LDLRAD4: variants seen among roughly 807,000 people sequenced by gnomAD.
LDLRAD4 encodes the protein low-density lipoprotein receptor class A domain-containing protein 4.
A neutral mutation model predicts 17.0 loss-of-function variants in LDLRAD4; 5 were observed. The observed-to-expected ratio is 0.29, with a 90% CI of 0.15 to 0.62. The LOEUF is 0.62. Ranked by LOEUF, LDLRAD4 falls within the 20% of genes least tolerant of loss-of-function variation. The pLI, the probability that LDLRAD4 is intolerant of heterozygous loss-of-function variation, is 0.84. For missense variants in LDLRAD4, 340 were observed against 424.7 expected (o/e 0.80, Z 1.75); for synonymous variants, 168 against 171.8 (o/e 0.98, Z 0.17).
chr18:13,636,708 C>G (rs1428018289), intron 4 of LDLRAD4, among the ~76,000 whole-genome samples: 1 of 152,016 alleles, frequency 6.6e-6, no homozygotes, highest in Non-Finnish European at 1.5e-5. Context: ...CCATGTTGGC[C>G]AGGCTGGTCT....
chr18:13,531,811 A>T lies in LDLRAD4; in HGVS notation c.182-89306A>T, dbSNP rs1407693582. On this transcript the variant is annotated intron_variant, in intron 3 of 5. Transcript: ENST00000359446. ...AGAACTCTGGGGTTGTGCTGGCCTCAGAGACAGTGGAGGGGGTGAGGGTCC... is the reference window on the plus strand; with the variant it reads ...AGAACTCTGGGGTTGTGCTGGCCTCTGAGACAGTGGAGGGGGTGAGGGTCC... Among the ~76,000 whole-genome samples the T allele has an allele frequency of 2.0e-5, 3 of 152,116 alleles. No homozygotes were observed. In the East Asian group the frequency reaches 5.8e-4, roughly 29 times the overall value.
chr18:13,551,059 C>G (rs1421787513), intron 3 of LDLRAD4, among the ~76,000 whole-genome samples: 2 of 152,158 alleles, frequency 1.3e-5, no homozygotes, highest in East Asian at 3.9e-4. Flanking sequence ...CCGTGTGCCT[C>G]CCCAGCAATT....
intron 3 of LDLRAD4, chr18:13,489,021 A>C (rs2093300973): frequency 6.6e-6 from 1 of 152,114 alleles, no homozygotes; most frequent in Non-Finnish European, 1.5e-5. Flanking sequence ...GTGGGGGCAG[A>C]CTCAAGAGAG....
chr18:13,284,779 G>C (rs2045516062), intron 1 of LDLRAD4, among the ~76,000 whole-genome samples: 1 of 152,214 alleles, frequency 6.6e-6, no homozygotes, highest in African/African-American at 2.4e-5. Flanking sequence ...CCCTGCTCGA[G>C]GCCACCCGGA....
chr18:13,534,381 G>T (rs2094172157), intron 3 of LDLRAD4, among the ~76,000 whole-genome samples: 1 of 152,126 alleles, frequency 6.6e-6, no homozygotes, highest in South Asian at 2.1e-4. Flanking sequence ...AAATCACCCT[G>T]TGTTTCCCCC....
intron 1 of LDLRAD4, among the ~76,000 whole-genome samples, chr18:13,254,485 A>C (rs2043397337): frequency 6.6e-6 from 1 of 152,124 alleles, no homozygotes; most frequent in Non-Finnish European, 1.5e-5. Context: ...CCGCCTCTTC[A>C]AGGTCGCTCA....
chr18:13,361,455 T>G (rs1599671667), intron 1 of LDLRAD4, among the ~76,000 whole-genome samples: 1 of 152,336 alleles, frequency 6.6e-6, no homozygotes, highest in East Asian at 1.9e-4. Context: ...TACTTCTTGT[T>G]GCACCTCGCT....
intron 1 of LDLRAD4, among the ~76,000 whole-genome samples, chr18:13,371,830 G>A (rs187242320): frequency 2.6e-5 from 4 of 152,268 alleles, no homozygotes; most frequent in African/African-American, 9.6e-5. Flanking sequence ...AGGAACTGCT[G>A]AATTTAGCAA....
upstream of LDLRAD4, among the ~76,000 whole-genome samples, chr18:13,276,738 G>T (rs1382593376): frequency 6.6e-6 from 1 of 152,194 alleles, no homozygotes; most frequent in African/African-American, 2.4e-5. Context: ...CTCCTATGTA[G>T]GTCGCCTGGT....
chr18:13,430,295 T>C (rs894087879), intron 2 of LDLRAD4, among the ~76,000 whole-genome samples: 11 of 152,196 alleles, frequency 7.2e-5, no homozygotes, highest in Non-Finnish European at 1.0e-4. Context: ...GACGTGGAGC[T>C]CCTGTTGCGC....
chr18:13,310,591 C>T (rs896526468), intron 1 of LDLRAD4, among the ~76,000 whole-genome samples: 1 of 152,180 alleles, frequency 6.6e-6, no homozygotes, highest in Non-Finnish European at 1.5e-5. Context: ...CAGGCAGTGA[C>T]AGCTGCCTGG....
At chr18:13,584,876 C>T (rs547783997) in intron 3 of LDLRAD4, among the ~76,000 whole-genome samples, 118 of 152,322 alleles carry the variant, frequency 7.7e-4, no homozygotes, top group Non-Finnish European at 1.5e-3. Flanking sequence ...TTCCTCTTGT[C>T]CAGGCTCCAG....
In LDLRAD4 at chr18:13,344,676, A is replaced by G. The variant is rs1407341961; in HGVS notation, c.-382-42665A>G. ...GAATCTCTAAATTACCTTGGGCAGTATGGCCATTTTCACGATATTGATTCT... is the reference window on the plus strand; with the variant it reads ...GAATCTCTAAATTACCTTGGGCAGTGTGGCCATTTTCACGATATTGATTCT... On this transcript the variant is annotated intron_variant, in intron 1 of 5. Coordinates refer to ENST00000359446, the Ensembl canonical transcript of LDLRAD4. Among the ~76,000 whole-genome samples the G allele has an allele frequency of 3.9e-5, 6 of 152,176 alleles. No homozygotes were observed. In the East Asian group the frequency reaches 5.8e-4, roughly 15 times the overall value.
intron 4 of LDLRAD4, chr18:13,642,702 C>T: frequency 2.4e-6 from 3 of 1,231,518 alleles, no homozygotes; most frequent in Non-Finnish European, 3.0e-6. Context: ...CTGCCCTCAT[C>T]GGGCGGCCAC....
At chr18:13,350,940 A>T (rs1427918947) in intron 1 of LDLRAD4, among the ~76,000 whole-genome samples, 1 of 152,180 alleles carries the variant, frequency 6.6e-6, no homozygotes, top group Non-Finnish European at 1.5e-5. Flanking sequence ...AGATAGTCGT[A>T]GATGTGTGGT....
At chr18:13,327,579 A>AT (rs957373531) in intron 1 of LDLRAD4, among the ~76,000 whole-genome samples, 75 of 148,102 alleles carry the variant, frequency 5.1e-4, no homozygotes, top group South Asian at 6.4e-4. Flanking sequence ...TGGTGCGTGT[A>AT]TTTTTTTTTT....
intron 4 of LDLRAD4, among the ~76,000 whole-genome samples, chr18:13,638,378 T>C (rs1008114009): frequency 1.3e-5 from 2 of 150,920 alleles, no homozygotes; most frequent in Admixed American, 6.6e-5. Context: ...CTTACAGATG[T>C]ATACCTATGC....
At chr18:13,311,654 T>C (rs1436862519) in intron 1 of LDLRAD4, among the ~76,000 whole-genome samples, 5 of 152,130 alleles carry the variant, frequency 3.3e-5, no homozygotes, top group Non-Finnish European at 7.4e-5. Flanking sequence ...GGCACTGTGC[T>C]CTTGAGGGAA....
intron 1 of LDLRAD4, among the ~76,000 whole-genome samples, chr18:13,286,899 TG>T (rs2045656017): frequency 6.6e-6 from 1 of 151,984 alleles, no homozygotes; most frequent in Non-Finnish European, 1.5e-5. Context: ...GCAGGGCAGG[TG>T]GGGCAGAAGG....
Sources: gnomAD v4.1 joint callset for allele counts (sites outside exome capture counted in the v4.1 genomes callset) on GRCh38, gnomAD v4.1.1 for gene constraint, MANE v1.5 for transcripts, NCBI Gene and HGNC (gene_info 2026-07-23, HGNC 2026-07-21) for gene names.